The following SEMA4D variants were observed in gnomAD, a reference collection of about 807,000 sequenced individuals.
The protein encoded by SEMA4D is semaphorin-4D.
Under a neutral mutation model 74.8 loss-of-function variants are expected in SEMA4D, and 22 were observed. The ratio of observed to expected loss-of-function variants is 0.29; its 90% CI spans 0.21 to 0.42. SEMA4D has a LOEUF of 0.42. Ranked by LOEUF, SEMA4D falls within the 10% of genes least tolerant of loss-of-function variation. SEMA4D has a pLI of 1.00. For missense variants in SEMA4D, 937 were observed against 1,118.4 expected (o/e 0.84, Z 2.31); for synonymous variants, 445 against 463.7 (o/e 0.96, Z 0.52).
intron 1 of SEMA4D, among the ~76,000 whole-genome samples, chr9:89,481,201 C>T (rs796478369): frequency 2.0e-5 from 3 of 152,328 alleles, no homozygotes; most frequent in South Asian, 2.1e-4. Flanking sequence ...ATGACAGGGA[C>T]GTGCCCACCT....
chr9:89,376,938 C>A (rs139924853), downstream of SEMA4D: 663 of 1,550,768 alleles, frequency 4.3e-4, no homozygotes, highest in African/African-American at 8.2e-3. Context: ...CTGTCGGGCC[C>A]CGCACCCGAG....
Position 89,381,345 on chromosome 9 carries a change from C to T in SEMA4D, c.1448G>A (p.Gly483Asp), listed in dbSNP as rs1256402507. Residue 483 changes from glycine (G) to aspartate (D), a missense_variant and splice_region_variant, in exon 14 of 16, where the codon GGC (glycine) becomes GAC (aspartate). Physicochemically the swap from Gly to Asp is moderately conservative, Grantham distance 94 (BLOSUM62 -1). Coordinates refer to ENST00000422704, the MANE Select transcript of SEMA4D (RefSeq NM_001371194.2). The surrounding 1 kb of genome is among the most constrained non-coding windows in gnomAD (Gnocchi z 4.6). ...VQTLLLSSKK[G>D]NRFVYAGSNS... is the part of the protein sequence containing the mutation. ...AGAGCCAGCATAGACAAACCTGTTGCCCTGCGTGTATGAGACAGAGAAGAA... is the reference window on the plus strand; with the variant it reads ...AGAGCCAGCATAGACAAACCTGTTGTCCTGCGTGTATGAGACAGAGAAGAA... The T allele has an allele frequency of 1.4e-6, 2 of 1,473,042 alleles. No homozygotes were observed. The highest frequency in any genetic ancestry group is 2.8e-5 in the South Asian group (2 of 72,624). 91.2% of individuals were successfully genotyped at this position (1,473,042 alleles called of 1,614,324 possible). A position where few individuals can be genotyped will look rare whatever the true frequency, so the allele number is the denominator to read the frequency against.
chr9:89,420,877 T>C (rs1846780556), intron 2 of SEMA4D, among the ~76,000 whole-genome samples: 1 of 152,274 alleles, frequency 6.6e-6, no homozygotes. Flanking sequence ...CCATGACTAA[T>C]CAGTTAATGC....
chr9:89,431,072 C>G (rs1432556867), intron 2 of SEMA4D, among the ~76,000 whole-genome samples: 1 of 152,204 alleles, frequency 6.6e-6, no homozygotes, highest in Non-Finnish European at 1.5e-5. Context: ...ACAATCCACA[C>G]AAGTCGATGT....
intron 16 of SEMA4D, chr9:89,368,142 C>T (rs933259399): frequency 3.3e-5 from 5 of 152,552 alleles, no homozygotes; most frequent in Admixed American, 2.0e-4. Context: ...TGTGTCCTCC[C>T]GGCATCCCCA....
Position 89,416,825 on chromosome 9 carries a change from A to G in SEMA4D, c.-243-11126T>C, listed in dbSNP as rs1845817932. Among the ~76,000 whole-genome samples, 4 of 152,238 alleles carry G rather than the reference A, an allele frequency of 2.6e-5. No homozygotes were observed. The South Asian group carries it at 8.3e-4, about 31-fold the overall frequency. ...CTACACCCAAGTCAGTAGACCAAAA[A>G]TTGAAACCCACCACATTAGTGTATG... On this transcript the variant is annotated intron_variant, in intron 2 of 15. Transcript: ENST00000422704.
intron 1 of SEMA4D, among the ~76,000 whole-genome samples, chr9:89,469,780 A>G (rs1467767641): frequency 6.6e-6 from 1 of 152,250 alleles, no homozygotes; most frequent in Non-Finnish European, 1.5e-5. Flanking sequence ...AAGGGCATCT[A>G]TGGAAAACTC....
intron 7 of SEMA4D, among the ~76,000 whole-genome samples, chr9:89,393,237 G>A (rs988972511): frequency 2.0e-5 from 3 of 152,248 alleles, no homozygotes; most frequent in African/African-American, 7.2e-5. Context: ...CTTGCTCAGA[G>A]GTGAGAGACC....
intron 16 of SEMA4D, among the ~76,000 whole-genome samples, chr9:89,371,357 G>C (rs1031875536): frequency 1.5e-5 from 2 of 129,722 alleles, no homozygotes; most frequent in African/African-American, 6.0e-5. Context: ...GTGTGTTGGG[G>C]TGTGTGTGTC....
At chr9:89,451,909 T>G (rs1306866149) in intron 2 of SEMA4D, among the ~76,000 whole-genome samples, 1 of 152,236 alleles carries the variant, frequency 6.6e-6, no homozygotes. Context: ...TCTTTGTAAC[T>G]GCTCAAGGCA....
chr9:89,420,690 A>G (rs1249013334), intron 2 of SEMA4D, among the ~76,000 whole-genome samples: 2 of 152,236 alleles, frequency 1.3e-5, no homozygotes, highest in African/African-American at 4.8e-5. Context: ...CACACAGAGA[A>G]GACAAGTGGG....
rs1018090783 is a variant in SEMA4D, at chr9:89,381,370, A to G, written c.1447-24T>C. On this transcript the variant is annotated intron_variant, in intron 13 of 15. Transcript: ENST00000422704. The surrounding 1 kb of genome is among the most constrained non-coding windows in gnomAD (Gnocchi z 4.6). ...CCCTGCGTGTATGAGACAGAGAAGAACTAGCATCAGGCAAGCAGGCATCCA... is the reference window on the plus strand; with the variant it reads ...CCCTGCGTGTATGAGACAGAGAAGAGCTAGCATCAGGCAAGCAGGCATCCA... 3.4e-6 allele frequency: 5 copies of G among 1,452,552 alleles called. No individual in the cohort carries two copies. The African/African-American group carries it at 5.7e-5, about 17-fold the overall frequency. The allele number at this position is 1,452,552 out of a possible 1,614,324, so 90.0% of individuals were successfully genotyped here.
intron 2 of SEMA4D, among the ~76,000 whole-genome samples, chr9:89,432,398 C>T (rs544871412): frequency 2.5e-4 from 38 of 152,200 alleles, no homozygotes; most frequent in African/African-American, 8.7e-4. Flanking sequence ...ATGATCAGGG[C>T]GGCCACAGTA....
At chr9:89,377,030 G>C (rs1564514231), downstream of SEMA4D, 1 of 1,541,400 alleles carries the variant, frequency 6.5e-7, no homozygotes, top group South Asian at 1.2e-5. Flanking sequence ...GCCAGGAGGA[G>C]GGAGGGGCTT....
At chr9:89,478,425 G>A (rs976819191) in intron 1 of SEMA4D, among the ~76,000 whole-genome samples, 36 of 152,116 alleles carry the variant, frequency 2.4e-4, no homozygotes, top group Non-Finnish European at 2.8e-4. Context: ...CCCCCCTAGA[G>A]CCTCAGGGGA....
intron 13 of SEMA4D, among the ~76,000 whole-genome samples, chr9:89,383,883 C>T (rs898501663): frequency 6.6e-6 from 1 of 152,208 alleles, no homozygotes; most frequent in African/African-American, 2.4e-5. Flanking sequence ...CCTGTCTCCG[C>T]CTTCCCTGGG....
At chr9:89,475,087 G>A (rs1861435790) in intron 1 of SEMA4D, among the ~76,000 whole-genome samples, 1 of 152,222 alleles carries the variant, frequency 6.6e-6, no homozygotes, top group African/African-American at 2.4e-5. Context: ...CTGGGGAAAA[G>A]GGTCGAGGTG....
chr9:89,451,200 TC>T (rs1854418647), intron 2 of SEMA4D, among the ~76,000 whole-genome samples: 1 of 152,132 alleles, frequency 6.6e-6, no homozygotes, highest in Non-Finnish European at 1.5e-5. Flanking sequence ...TTTTCCATTC[TC>T]CCCAAGTATT....
At chr9:89,437,217 A>G (rs547656059) in intron 2 of SEMA4D, among the ~76,000 whole-genome samples, 2 of 152,222 alleles carry the variant, frequency 1.3e-5, no homozygotes, top group South Asian at 4.1e-4. Flanking sequence ...GAGTGGCCTG[A>G]TCCTAGTGGG....
Sources: allele counts gnomAD v4.1 joint callset (sites outside exome capture counted in the v4.1 genomes callset), GRCh38; gene constraint gnomAD v4.1.1; non-coding constraint Gnocchi (gnomAD v3.1); transcripts MANE v1.5; gene names NCBI Gene and HGNC (gene_info 2026-07-23, HGNC 2026-07-21).